Variants in FANCD2OS observed in about 807,000 individuals in gnomAD.
FANCD2OS encodes FANCD2 opposite strand protein.
In FANCD2OS, 11 loss-of-function variants were observed where a neutral mutation model predicts 13.2. That is an observed-to-expected ratio of 0.83 (90% CI 0.52 to 1.38). The LOEUF is 1.38. Ranked by LOEUF, FANCD2OS falls within the 40% of genes most tolerant of loss-of-function variation. The pLI is 0.00. For missense variants in FANCD2OS, 217 were observed against 213.9 expected (o/e 1.01, Z -0.09); for synonymous variants, 69 against 84.5 (o/e 0.82, Z 1.01).
At chr3:10,084,822 C>G (rs1694081837) in intron 2 of FANCD2OS, among the ~76,000 whole-genome samples, 1 of 152,092 alleles carries the variant, frequency 6.6e-6, no homozygotes, top group South Asian at 2.1e-4. Flanking sequence ...TAAATGTTGT[C>G]CAGGGAAGCC....
At chr3:10,107,926 T>A (rs1366538222) in intron 1 of FANCD2OS, 89 bp downstream of exon 1, 3 of 152,240 alleles carry the variant, frequency 2.0e-5, no homozygotes, top group Non-Finnish European at 2.9e-5. Context: ...AGCTCCCAGA[T>A]ATGGAACACC....
intron 2 of FANCD2OS, among the ~76,000 whole-genome samples, chr3:10,097,139 G>A (rs959307128): frequency 1.3e-5 from 2 of 152,166 alleles, no homozygotes; most frequent in Non-Finnish European, 2.9e-5. Context: ...ACTTAACAGG[G>A]TAATAGAATA....
downstream of FANCD2OS, chr3:10,099,246 C>T (rs1695160323): frequency 7.6e-7 from 1 of 1,311,408 alleles, no homozygotes; most frequent in South Asian, 1.7e-5. Context: ...GAAGCTGCCA[C>T]CTTAGAGAAC....
Position 10,104,107 on chromosome 3 carries a change from A to T in FANCD2OS, c.*134T>A, listed in dbSNP as rs570267214. On this transcript the variant is annotated 3_prime_UTR_variant, in exon 2 of 2. Transcript: ENST00000450660. ...GGGAAGGGATGAAAGGGGCTCCTGA[A>T]TCATCACTGCTTGAAACAAAAGCAA... 1.3e-6 allele frequency: 1 copy of T among 791,508 alleles called. No individual in the cohort carries two copies. The highest frequency in any genetic ancestry group is 2.7e-5 in the East Asian group (1 of 36,804). 49.0% of individuals were successfully genotyped at this position (791,508 alleles called of 1,614,324 possible).
At chr3:10,091,075 GTTTTT>G (rs935283956) in intron 2 of FANCD2OS, among the ~76,000 whole-genome samples, 2 of 151,488 alleles carry the variant, frequency 1.3e-5, no homozygotes, top group African/African-American at 4.8e-5. Flanking sequence ...GCCAGTATAT[GTTTTT>G]TCTTTTTTTT....
At chr3:10,106,965 G>A (rs1695511189) in intron 1 of FANCD2OS, among the ~76,000 whole-genome samples, 1 of 152,210 alleles carries the variant, frequency 6.6e-6, no homozygotes, top group Admixed American at 6.5e-5. Flanking sequence ...ACAATGGTTA[G>A]TATAGGGGGA....
At chr3:10,106,680 G>A (rs186425342) in intron 1 of FANCD2OS, among the ~76,000 whole-genome samples, 21 of 152,330 alleles carry the variant, frequency 1.4e-4, no homozygotes, top group Non-Finnish European at 2.9e-4. Context: ...TTGGGAGGCC[G>A]AGGTGGGTGG....
intron 2 of FANCD2OS, chr3:10,090,503 A>T: frequency 1.6e-6 from 1 of 644,786 alleles, no homozygotes; most frequent in Non-Finnish European, 2.6e-6. Flanking sequence ...TCTGTTGCCC[A>T]GACTGGAGTG....
At chr3:10,099,401 T>C (rs1575879859), downstream of FANCD2OS, 27 of 1,020,806 alleles carry the variant, frequency 2.6e-5, no homozygotes, top group Non-Finnish European at 3.0e-5. Flanking sequence ...GGTAGGAGGA[T>C]TGCTTGAGTC....
At chr3:10,103,107 A>T (rs760478224), downstream of FANCD2OS, 1 of 442,748 alleles carries the variant, frequency 2.3e-6, no homozygotes, top group South Asian at 1.6e-5. Flanking sequence ...AAAAAAAAAA[A>T]TACAAAAATT....
At chr3:10,092,351 TC>T (rs1694669799) in intron 2 of FANCD2OS, 1 of 905,364 alleles carries the variant, frequency 1.1e-6, no homozygotes, top group Non-Finnish European at 1.8e-6. Flanking sequence ...TTCCCACTCT[TC>T]CTTGGGGCCT....
At position 10,104,608 on chromosome 3, in the gene FANCD2OS, G is replaced by A; in HGVS notation, c.167C>T (p.Thr56Ile). ...LEVQLCFQEV[T>I]LVLDSPFLES... is the part of the protein sequence containing the mutation. ...CAGGAATGGGCTGTCTAGGACTAGA[G>A]TGACCTCTTGAAAGCACAGCTGCAC... The change falls in exon 2 of 2, where the codon ACT becomes ATT. Residue 56 changes from threonine to isoleucine, a missense_variant. Transcript: ENST00000450660. The A allele has an allele frequency of 6.2e-7, 1 of 1,614,212 alleles. No individual in the cohort carries two copies. Among genetic ancestry groups the A allele is most frequent in the Non-Finnish European group, 8.5e-7 (1 of 1,180,048 alleles).
rs1156684243 is a variant in FANCD2OS at position 10,104,046 on chromosome 3, TCTTC to T, written c.*191_*194del. ...TGGTTCAACCTTACAATGGGAATGTTCTTCCTTGTTCTCTATCATTGGTCCTTTT... is the reference window on the plus strand; with the variant it reads ...TGGTTCAACCTTACAATGGGAATGTTCTTGTTCTCTATCATTGGTCCTTTT... On this transcript the variant is annotated 3_prime_UTR_variant, in exon 2 of 2. Coordinates refer to ENST00000450660, the MANE Select transcript of FANCD2OS (RefSeq NM_001164839.2). 2 of 576,964 alleles carry T rather than the reference TCTTC, an allele frequency of 3.5e-6. No individual in the cohort carries two copies. Among genetic ancestry groups the T allele is most frequent in the South Asian group, 2.4e-5 (1 of 41,954 alleles). The allele number at this position is 576,964 out of a possible 1,614,324, so 35.7% of individuals were successfully genotyped here.
At chr3:10,086,885 C>A (rs1249681748) in intron 2 of FANCD2OS, among the ~76,000 whole-genome samples, 1 of 152,160 alleles carries the variant, frequency 6.6e-6, no homozygotes, top group Non-Finnish European at 1.5e-5. Context: ...GGTTTCTCAG[C>A]ATACATGACC....
chr3:10,107,158 T>A (rs1379986332), intron 1 of FANCD2OS, among the ~76,000 whole-genome samples: 1 of 152,108 alleles, frequency 6.6e-6, no homozygotes, highest in Non-Finnish European at 1.5e-5. Context: ...AGAGCACATA[T>A]CCAAGAGAGG....
chr3:10,090,298 T>G (rs1694510786), intron 2 of FANCD2OS: 7 of 1,613,078 alleles, frequency 4.3e-6, no homozygotes, highest in Non-Finnish European at 5.9e-6. Flanking sequence ...CTAGGCATAC[T>G]TTTGTTGTTT....
At position 10,094,404 on chromosome 3, in the gene FANCD2OS, G is replaced by A. The variant is rs756690093; in HGVS notation, c.*43+9794C>T. On this transcript the variant is annotated intron_variant, in intron 2 of 2. Transcript: ENST00000524279. The stretch of plus-strand genomic sequence containing the variant: ...AGAGAACAAAGATATGCACTGAAGA[G>A]TTGCTCAGAAGATATGTCCTTGGTG... The A allele has an allele frequency of 6.5e-6, 10 of 1,537,190 alleles. No individual in the cohort carries two copies. In the Middle Eastern group the frequency reaches 1.0e-3, roughly 155 times the overall value.
intron 1 of FANCD2OS, among the ~76,000 whole-genome samples, chr3:10,107,203 G>C (rs1294259680): frequency 6.6e-6 from 1 of 152,140 alleles, no homozygotes; most frequent in Non-Finnish European, 1.5e-5. Flanking sequence ...CAAGGTGGGC[G>C]GAGGGTATGA....
chr3:10,096,249 A>G (rs1415591130), intron 2 of FANCD2OS: 1 of 1,478,992 alleles, frequency 6.8e-7, no homozygotes, highest in African/African-American at 1.4e-5. Flanking sequence ...CTTATTCAAC[A>G]TTCAAAGGTT....
Sources: allele counts gnomAD v4.1 joint callset (sites outside exome capture counted in the v4.1 genomes callset), GRCh38; gene constraint gnomAD v4.1.1; transcripts MANE v1.5; gene names NCBI Gene and HGNC (gene_info 2026-07-23, HGNC 2026-07-21).